HOMER2: variants seen among roughly 807,000 people sequenced by gnomAD.
HOMER2 encodes the protein homer protein homolog 2.
HOMER2 carries 27 observed loss-of-function variants against 47.0 expected under a neutral mutation model. The observed-to-expected ratio is 0.57, with a 90% CI of 0.42 to 0.79. The LOEUF (loss-of-function observed/expected upper bound fraction) is 0.79, where lower values mean the gene tolerates loss of function less well. HOMER2 is among the 30% of genes least tolerant of loss of function. HOMER2 has a pLI of 0.00. For synonymous variants in HOMER2, 161 were observed against 163.8 expected, an observed-to-expected ratio of 0.98 and a Z score of 0.13; for missense variants, 443 against 435.0, an observed-to-expected ratio of 1.02 and a Z score of -0.16.
chr15:82,872,137 C>T (rs2052196278), intron 3 of HOMER2, among the ~76,000 whole-genome samples: 1 of 152,176 alleles, frequency 6.6e-6, no homozygotes, highest in Non-Finnish European at 1.5e-5. Flanking sequence ...GTTCCCAACA[C>T]ACCCTTCCTC....
intron 1 of HOMER2, among the ~76,000 whole-genome samples, chr15:82,923,358 G>A (rs891998367): frequency 2.6e-5 from 4 of 151,936 alleles, no homozygotes; most frequent in South Asian, 4.2e-4. Context: ...CTGGTGACAC[G>A]TGCCTGCAGT....
chr15:82,942,121 G>A (rs1004241025), intron 1 of HOMER2, among the ~76,000 whole-genome samples: 4 of 152,132 alleles, frequency 2.6e-5, no homozygotes, highest in African/African-American at 9.7e-5. Context: ...ACCTCCTTCA[G>A]GAAGCCTTCT....
intron 6 of HOMER2, among the ~76,000 whole-genome samples, chr15:82,853,921 A>T (rs1031927525): frequency 1.3e-5 from 2 of 152,224 alleles, no homozygotes; most frequent in Non-Finnish European, 2.9e-5. Context: ...GAATGGAAGC[A>T]GGACTTCCAA....
chr15:82,875,435 T>G (rs767512631), intron 2 of HOMER2, 31 bp from the exon 3 acceptor site: 3 of 1,611,838 alleles, frequency 1.9e-6, no homozygotes, highest in South Asian at 1.1e-5. Context: ...GAGTGAAAAT[T>G]TAAATGTTGA....
At chr15:82,953,897 T>C (rs1255843211), upstream of HOMER2, among the ~76,000 whole-genome samples, 1 of 150,620 alleles carries the variant, frequency 6.6e-6, no homozygotes, top group African/African-American at 2.4e-5. Context: ...AATAAATAAA[T>C]TAATTAATTA....
intron 1 of HOMER2, among the ~76,000 whole-genome samples, chr15:82,984,173 C>T (rs1377521899): frequency 6.6e-6 from 1 of 151,960 alleles, no homozygotes; most frequent in Non-Finnish European, 1.5e-5. Flanking sequence ...GCTAGGACTA[C>T]AGGCGCCGGC....
chr15:82,956,898 A>C (rs2054592124), upstream of HOMER2, among the ~76,000 whole-genome samples: 1 of 152,192 alleles, frequency 6.6e-6, no homozygotes, highest in African/African-American at 2.4e-5. Flanking sequence ...ACCATTGACT[A>C]TCTGTGACCA....
At chr15:82,969,997 T>C (rs1020085435) in intron 1 of HOMER2, among the ~76,000 whole-genome samples, 1 of 152,192 alleles carries the variant, frequency 6.6e-6, no homozygotes, top group Non-Finnish European at 1.5e-5. Context: ...ACCTAGGATA[T>C]CTGATGGCGG....
At chr15:82,911,796 C>T (rs748685701) in intron 1 of HOMER2, among the ~76,000 whole-genome samples, 38 of 152,130 alleles carry the variant, frequency 2.5e-4, no homozygotes, top group Non-Finnish European at 3.2e-4. Context: ...TTTGGGAGGC[C>T]GAGACAGGAC....
exon 2 of HOMER2, chr15:82,840,830 T>C (rs2051169671): frequency 6.6e-6 from 1 of 151,734 alleles, no homozygotes; most frequent in South Asian, 2.1e-4. Context: ...AACAACCCCA[T>C]ATTTCCTAAA....
At chr15:82,933,851 C>T (rs143603228) in intron 1 of HOMER2, among the ~76,000 whole-genome samples, 81 of 152,272 alleles carry the variant, frequency 5.3e-4, no homozygotes, top group Non-Finnish European at 9.1e-4. Flanking sequence ...ACGAAAGACC[C>T]GCCCCACTCC....
rs529437974 is a variant in HOMER2 at position 82,849,864 on chromosome 15, G to T, written c.883C>A (p.Arg295Ser). The T allele has an allele frequency of 6.2e-7, 1 of 1,613,938 alleles. No individual in the cohort carries two copies. Among genetic ancestry groups the T allele is most frequent in the South Asian group, 1.1e-5 (1 of 91,064 alleles). ...TCCTCAATGTCTGTCTTTAAGGAAC[G>T]CACTTTGTCTTCCAGGTTTTGATTG... ...RDNQNLEDKV[R>S]SLKTDIEESK... The change falls in exon 9 of 9, where the codon CGT becomes AGT. Residue 295 changes from arginine to serine, a missense_variant. Transcript: ENST00000450735.
At position 82,913,594 on chromosome 15, in the gene HOMER2, G is replaced by A. The variant is rs1381368404; in HGVS notation, c.6-20753C>T. 2.0e-5 allele frequency among the ~76,000 whole-genome samples: 3 copies of A among 152,170 alleles called. No homozygotes were observed. The highest frequency in any genetic ancestry group is 7.2e-5 in the African/African-American group (3 of 41,430). On this transcript the variant is annotated intron_variant, in intron 1 of 8. Transcript: ENST00000450735. The surrounding 1 kb of genome is among the most constrained non-coding windows in gnomAD (Gnocchi z 4.1). ...ACTCTATCAGGCCATCTTCCTGAAAGCAACACAAACCCCTGCTTAGAAGAG... is the reference window on the plus strand; with the variant it reads ...ACTCTATCAGGCCATCTTCCTGAAAACAACACAAACCCCTGCTTAGAAGAG...
downstream of HOMER2, chr15:82,844,597 TATA>T (rs1231156930): frequency 1.3e-5 from 2 of 152,216 alleles, no homozygotes; most frequent in Non-Finnish European, 2.9e-5. Context: ...TAACAGTGGT[TATA>T]ATCAGATAGT....
chr15:82,840,823 A>C (rs1199767197), exon 2 of HOMER2: 1 of 152,052 alleles, frequency 6.6e-6, no homozygotes, highest in Non-Finnish European at 1.5e-5. Context: ...AAAAAACAAC[A>C]ACCCCATATT....
At chr15:82,838,773 A>G (rs1281229716) in exon 2 of HOMER2, 2 of 152,270 alleles carry the variant, frequency 1.3e-5, no homozygotes, top group South Asian at 2.1e-4. Context: ...GTCAAATTGC[A>G]TGAGCCTGGT....
chr15:82,908,129 T>C (rs898047306), intron 1 of HOMER2, among the ~76,000 whole-genome samples: 1 of 129,804 alleles, frequency 7.7e-6, no homozygotes, highest in East Asian at 2.0e-4. Flanking sequence ...GAGTGACTGC[T>C]AATGGATTCT....
chr15:82,845,711 A>G (rs1188859311), downstream of HOMER2: 4 of 152,170 alleles, frequency 2.6e-5, no homozygotes, highest in Non-Finnish European at 5.9e-5. Context: ...GCCTGTGCTA[A>G]GTCACATCAC....
intron 4 of HOMER2, among the ~76,000 whole-genome samples, chr15:82,861,353 CT>C (rs1262903908): frequency 6.6e-6 from 1 of 152,134 alleles, no homozygotes. Flanking sequence ...GATACCAACA[CT>C]AGAATGCTGT....
Sources: allele counts gnomAD v4.1 joint callset (sites outside exome capture counted in the v4.1 genomes callset), GRCh38; gene constraint gnomAD v4.1.1; non-coding constraint Gnocchi (gnomAD v3.1); transcripts MANE v1.5; gene names NCBI Gene and HGNC (gene_info 2026-07-23, HGNC 2026-07-21).